NUP155: variants seen among roughly 807,000 people sequenced by gnomAD.
NUP155 encodes nucleoporin 155, also known as nuclear pore complex protein Nup155.
In NUP155, 71 loss-of-function variants were observed where a neutral mutation model predicts 180.4. The ratio of observed to expected loss-of-function variants is 0.39; its 90% confidence interval spans 0.33 to 0.48. The LOEUF is 0.48. NUP155 is among the 20% of genes least tolerant of loss of function. The pLI, the probability that NUP155 is intolerant of heterozygous loss-of-function variation, is 0.91. For missense variants in NUP155, 1,553 were observed against 1,648.9 expected, an observed-to-expected ratio of 0.94 and a Z score of 1.01; for synonymous variants, 582 against 559.5, an observed-to-expected ratio of 1.04 and a Z score of -0.57.
At chr5:37,369,234 G>A (rs1022878789) in intron 1 of NUP155, among the ~76,000 whole-genome samples, 17 of 152,052 alleles carry the variant, frequency 1.1e-4, no homozygotes, top group African/African-American at 3.9e-4. Context: ...CCTGGTAACA[G>A]AACTAGACCT....
rs1237192650 is a variant in NUP155, at chr5:37,314,225, G to T, written c.2409C>A (p.Phe803Leu). The change falls in exon 22 of 35, where the codon TTC becomes TTA. Residue 803 changes from phenylalanine to leucine, a missense_variant. Phe to Leu is a conservative substitution (Grantham distance 22). Transcript: ENST00000231498. ...ALWKLLCEHQ[F>L]TIIVAELQKE... ...TCTGAAGTTCTGCCACAATGATAGTGAATTGATGTTCACAAAGAAGTTTCC... is the reference window on the plus strand; with the variant it reads ...TCTGAAGTTCTGCCACAATGATAGTTAATTGATGTTCACAAAGAAGTTTCC... The T allele has an allele frequency of 1.2e-6, 2 of 1,609,336 alleles. No individual in the cohort carries two copies. Among genetic ancestry groups the T allele is most frequent in the Admixed American group, 3.3e-5 (2 of 59,958 alleles).
rs911463161 is a variant in NUP155, at chr5:37,302,835, T to C, written c.3391A>G (p.Ile1131Val). 6.8e-6 allele frequency: 11 copies of C among 1,613,994 alleles called. No homozygotes were observed. Among genetic ancestry groups the C allele is most frequent in the South Asian group, 1.1e-5 (1 of 91,084 alleles). ...AILSAKSSTA[I>V]SSIAADGEFL... Reference sequence around the variant, plus strand: ...TCACCATCGGCAGCTATTGATGAAATGGCAGTGGAACTTTTGGCACTAAGA... The same window carrying C: ...TCACCATCGGCAGCTATTGATGAAACGGCAGTGGAACTTTTGGCACTAAGA... Residue 1131 changes from isoleucine (I) to valine (V), a missense_variant, in exon 29 of 35, where the codon ATT becomes GTT. Transcript: ENST00000231498.
intron 20 of NUP155, among the ~76,000 whole-genome samples, chr5:37,322,804 T>A (rs1744335123): frequency 6.7e-6 from 1 of 149,980 alleles, no homozygotes. Flanking sequence ...GAAACTCCAT[T>A]TCTACTACAA....
intron 3 of NUP155, among the ~76,000 whole-genome samples, chr5:37,361,325 T>C (rs1177100922): frequency 1.0e-5 from 1 of 99,752 alleles, no homozygotes. Flanking sequence ...GAGAGAGAAA[T>C]AAAGATAACA....
At chr5:37,311,692 GCTAGTAA>G (rs1743538868) in intron 22 of NUP155, among the ~76,000 whole-genome samples, 1 of 150,192 alleles carries the variant, frequency 6.7e-6, no homozygotes, top group South Asian at 2.1e-4. Context: ...CAGAATTGCA[GCTAGTAA>G]CTGGGGAAGG....
intron 11 of NUP155, 120 bp downstream of exon 11, chr5:37,340,970 C>T (rs1581184491): frequency 4.7e-6 from 4 of 847,700 alleles, no homozygotes; most frequent in South Asian, 3.1e-5. Flanking sequence ...TTCCCTGACC[C>T]TTCTAGTAGT....
Position 37,330,092 on chromosome 5 carries a change from G to C in NUP155, c.1670C>G (p.Ser557Cys), listed in dbSNP as rs772755566. 1.1e-5 allele frequency: 17 copies of C among 1,613,596 alleles called. No homozygotes were observed. Among genetic ancestry groups the C allele is most frequent in the African/African-American group, 2.7e-5 (2 of 74,916 alleles). The change falls in exon 15 of 35, where the codon TCC becomes TGC. Residue 557 changes from serine (S) to cysteine (C), a missense_variant. Physicochemically the swap from Ser to Cys is moderately radical, Grantham distance 112. Transcript: ENST00000231498. The part of the protein sequence containing the change: ...ACATCLILAC[S>C]TAACDREVSA... ...TACTTCTCTATCACAGGCAGCAGTGGAGCAAGCAAGAATAAGGCAAGTTGC... is the reference window on the plus strand; with the variant it reads ...TACTTCTCTATCACAGGCAGCAGTGCAGCAAGCAAGAATAAGGCAAGTTGC...
At chr5:37,368,764 A>T (rs1234140759) in intron 1 of NUP155, among the ~76,000 whole-genome samples, 1 of 152,152 alleles carries the variant, frequency 6.6e-6, no homozygotes, top group Non-Finnish European at 1.5e-5. Flanking sequence ...TAGTGAGCCA[A>T]GATTATGCCA....
intron 12 of NUP155, among the ~76,000 whole-genome samples, chr5:37,334,928 G>A (rs1409062189): frequency 6.6e-6 from 1 of 152,058 alleles, no homozygotes; most frequent in African/African-American, 2.4e-5. Flanking sequence ...GGGAGGTGGA[G>A]GCGGGCGGTA....
At chr5:37,294,307 T>G in intron 33 of NUP155, 22 bp downstream of exon 33, 2 of 1,444,680 alleles carry the variant, frequency 1.4e-6, no homozygotes, top group Non-Finnish European at 1.9e-6. Flanking sequence ...AATAATTTTA[T>G]GTTATTTAAT....
At chr5:37,303,449 AACC>A in intron 27 of NUP155, 35 bp from the exon 28 acceptor site, 1 of 1,555,430 alleles carries the variant, frequency 6.4e-7, no homozygotes, top group Non-Finnish European at 8.9e-7. Flanking sequence ...AAAATTTTCT[AACC>A]ACCTACAGAT....
At chr5:37,330,005 AC>A in intron 15 of NUP155, 32 bp downstream of exon 15, 2 of 1,479,630 alleles carry the variant, frequency 1.4e-6, no homozygotes, top group Non-Finnish European at 1.9e-6. Context: ...CAGTAAAAAA[AC>A]AAATAAATAA....
chr5:37,313,523 C>T (rs1364479092), intron 22 of NUP155, among the ~76,000 whole-genome samples: 1 of 146,894 alleles, frequency 6.8e-6, no homozygotes, highest in East Asian at 2.0e-4. Context: ...CAGAGAGAGA[C>T]AGGGTCTCAC....
intron 20 of NUP155, 90 bp from the exon 21 acceptor site, chr5:37,318,175 C>T (rs1228932332): frequency 2.3e-6 from 2 of 879,422 alleles, no homozygotes; most frequent in African/African-American, 3.3e-5. Flanking sequence ...AATATGTTTA[C>T]TTTTTTTAAA....
chr5:37,370,855 C>T lies in NUP155; in HGVS notation c.123G>A (p.Pro41=), dbSNP rs1747917985. The T allele has an allele frequency of 2.5e-6, 4 of 1,614,152 alleles. No individual in the cohort carries two copies. The highest frequency in any genetic ancestry group is 3.4e-6 in the Non-Finnish European group (4 of 1,180,030). Residue 41 remains proline (P), a synonymous_variant, in exon 1 of 35, where the codon CCG becomes CCA. Transcript: ENST00000231498. ...ACACCATAAGCAGCTCGGAAAGGTCCGGGTACATGCGGTCCTCTTGCAACT... is the reference window on the plus strand; with the variant it reads ...ACACCATAAGCAGCTCGGAAAGGTCTGGGTACATGCGGTCCTCTTGCAACT... ...DRQLQEDRMY[P]DLSELLMVSA...
At chr5:37,324,200 T>C (rs1168037803) in intron 19 of NUP155, 93 bp from the exon 20 acceptor site, 2 of 785,188 alleles carry the variant, frequency 2.5e-6, no homozygotes, top group African/African-American at 1.7e-5. Context: ...AGTATCTCTA[T>C]AGTTATTTCT....
chr5:37,329,159 A>T (rs1239408776), intron 16 of NUP155, 31 bp downstream of exon 16: 5 of 1,521,992 alleles, frequency 3.3e-6, no homozygotes, highest in African/African-American at 1.4e-5. Context: ...AAACGATTAG[A>T]AACAATTTCA....
In NUP155 at chr5:37,333,599, A is replaced by G. The variant is rs1745119537; in HGVS notation, c.1382T>C (p.Leu461Pro). The change falls in exon 13 of 35, where the codon CTT (leucine) becomes CCT (proline). Residue 461 changes from leucine to proline, a missense_variant. Physicochemically the swap from Leu to Pro is moderately conservative, Grantham distance 98. Coordinates refer to ENST00000231498, the MANE Select transcript of NUP155 (RefSeq NM_153485.3). ...TAGVDGHSWALSAIDELKVDK... is the reference protein window; with the variant it reads ...TAGVDGHSWAPSAIDELKVDK... ...TACTTTCAATTCATCTATCGCAGAA[A>G]GAGCCCAGGAATGACCATCAACACC... 1 of 1,613,904 alleles carries G rather than the reference A, an allele frequency of 6.2e-7. No homozygotes were observed. Among genetic ancestry groups the G allele is most frequent in the Non-Finnish European group, 8.5e-7 (1 of 1,179,838 alleles).
chr5:37,329,142 A>C (rs1370566504), intron 16 of NUP155, 48 bp downstream of exon 16: 2 of 1,409,894 alleles, frequency 1.4e-6, no homozygotes, highest in Non-Finnish European at 2.0e-6. Context: ...TAAAGGTTCT[A>C]AGATTCAAAC....
Sources: gnomAD v4.1 joint callset for allele counts (sites outside exome capture counted in the v4.1 genomes callset) on GRCh38, gnomAD v4.1.1 for gene constraint, MANE v1.5 for transcripts, NCBI Gene and HGNC (gene_info 2026-07-23, HGNC 2026-07-21) for gene names.